The following TPI1 variants were observed in gnomAD, a reference collection of about 807,000 sequenced individuals.
TPI1 encodes the protein triosephosphate isomerase 1.
In TPI1, 11 loss-of-function variants were observed where a neutral mutation model predicts 31.0. That is an observed-to-expected ratio of 0.36 (90% CI 0.22 to 0.59). The LOEUF (loss-of-function observed/expected upper bound fraction) is 0.59, where lower values mean the gene tolerates loss of function less well. Ranked by LOEUF, TPI1 falls within the 20% of genes least tolerant of loss-of-function variation. The probability of loss-of-function intolerance (pLI) is 0.79; values close to 1 mark genes in which losing one functional copy is unlikely to be tolerated. For synonymous variants in TPI1, 121 were observed against 122.8 expected, an observed-to-expected ratio of 0.99 and a Z score of 0.10; for missense variants, 245 against 319.7, an observed-to-expected ratio of 0.77 and a Z score of 1.78.
intron 1 of TPI1, chr12:6,867,951 G>A (rs1482471106): frequency 3.8e-6 from 3 of 789,648 alleles, no homozygotes; most frequent in Non-Finnish European, 5.4e-6. Flanking sequence ...AGGTGGCCCC[G>A]GGGCGCGCAC....
At chr12:6,868,322 A>C (rs1944505709) in intron 1 of TPI1, 4 of 1,287,644 alleles carry the variant, frequency 3.1e-6, no homozygotes, top group Non-Finnish European at 4.0e-6. Context: ...TGAGTCAGTT[A>C]GGTCTCTGCC....
intron 5 of TPI1, 48 bp downstream of exon 5, chr12:6,869,821 G>T: frequency 2.5e-6 from 4 of 1,602,838 alleles, no homozygotes; most frequent in Non-Finnish European, 3.4e-6. Flanking sequence ...GCCTCAATAG[G>T]TTTGGACAGA....
intron 1 of TPI1, 86 bp downstream of exon 1, chr12:6,867,767 C>T (rs1246350750): frequency 1.0e-5 from 14 of 1,364,052 alleles, no homozygotes; most frequent in Non-Finnish European, 1.3e-5. Flanking sequence ...GGCCCCGAGG[C>T]CCCGAGGCCG....
At chr12:6,867,422 G>A (rs1944479631), upstream of TPI1, 1 of 1,456,048 alleles carries the variant, frequency 6.9e-7, no homozygotes, top group Non-Finnish European at 9.1e-7. Context: ...AGGAGGGCGG[G>A]CGGGGGGCAG....
In TPI1 at chr12:6,869,006, G is replaced by C. The variant is rs1270690225; in HGVS notation, c.239+19G>C. 2 of 1,614,142 alleles carry C rather than the reference G, an allele frequency of 1.2e-6. No individual in the cohort carries two copies. Among genetic ancestry groups the C allele is most frequent in the Admixed American group, 1.7e-5 (1 of 60,016 alleles). ...AGATCAGGTGAGATCGAGGTGGAGA[G>C]GGGTGTGTGGGACCCTTCCCTCACT... On this transcript the variant is annotated intron_variant, in intron 2 of 6. Coordinates refer to ENST00000396705, the MANE Select transcript of TPI1 (RefSeq NM_000365.6).
intron 4 of TPI1, 58 bp downstream of exon 4, chr12:6,869,448 A>T (rs1345204930): frequency 6.2e-7 from 1 of 1,611,474 alleles, no homozygotes; most frequent in East Asian, 2.2e-5. Context: ...CTCAGAGGGT[A>T]GGGTCAGGCC....
chr12:6,870,155 C>CGGCTGAGGTGGAGTG lies in TPI1; in HGVS notation c.631+28_631+42dup. ...TATGGAGGTGAGTGGCTTTGGTTCC[C>CGGCTGAGGTGGAGTG]GGCTGAGGTGGAGTGGGCTGAGGAC... On this transcript the variant is annotated intron_variant, in intron 6 of 6. Coordinates refer to ENST00000396705, the MANE Select transcript of TPI1 (RefSeq NM_000365.6). The CGGCTGAGGTGGAGTG allele has an allele frequency of 3.1e-6, 5 of 1,612,086 alleles. No homozygotes were observed. The highest frequency in any genetic ancestry group is 4.2e-6 in the Non-Finnish European group (5 of 1,178,182).
intron 5 of TPI1, 81 bp downstream of exon 5, chr12:6,869,854 C>T (rs1192375942): frequency 1.3e-6 from 2 of 1,520,528 alleles, no homozygotes; most frequent in East Asian, 2.3e-5. Context: ...GGGGCAACCC[C>T]TTATTTCAAA....
intron 1 of TPI1, chr12:6,868,341 G>A: frequency 7.8e-7 from 1 of 1,287,820 alleles, no homozygotes; most frequent in Non-Finnish European, 1.0e-6. Flanking sequence ...CCACCCACGG[G>A]CAAAGGATGC....
rs1944571655 is a variant in TPI1, at chr12:6,870,778, CTG to C, written c.*398_*399del. The C allele has an allele frequency of 2.0e-6, 1 of 512,250 alleles. No individual in the cohort carries two copies. The highest frequency in any genetic ancestry group is 3.8e-6 in the Non-Finnish European group (1 of 264,680). The allele number at this position is 512,250 out of a possible 1,614,324, so 31.7% of individuals were successfully genotyped here. A position where few individuals can be genotyped will look rare whatever the true frequency, so the allele number is the denominator to read the frequency against. On this transcript the variant is annotated 3_prime_UTR_variant, in exon 7 of 7. Transcript: ENST00000396705. ...GCCCTCTCCCATGGTGCCCGTGCCT[CTG>C]TGCTGTGTATGTGAACCACCCATGT...
At chr12:6,869,951 G>C in intron 5 of TPI1, 98 bp from the exon 6 acceptor site, 1 of 1,469,714 alleles carries the variant, frequency 6.8e-7, no homozygotes, top group Non-Finnish European at 9.5e-7. Context: ...CTGGTACTCT[G>C]ACTCAGTCAG....
Position 6,870,370 on chromosome 12 carries a change from A to G in TPI1, c.737A>G (p.Asn246Ser), listed in dbSNP as rs781891192. 1.9e-5 allele frequency: 31 copies of G among 1,611,362 alleles called. No individual in the cohort carries two copies. Among genetic ancestry groups the G allele is most frequent in the South Asian group, 1.9e-4 (17 of 91,000 alleles). Reference protein sequence around the residue: ...SLKPEFVDIINAKQ With the variant: ...SLKPEFVDIISAKQ ...AAGCCCGAATTCGTGGACATCATCA[A>G]TGCCAAACAATGAGCCCCATCCATC... The change falls in exon 7 of 7, where the codon AAT (asparagine) becomes AGT (serine). Residue 246 changes from asparagine (N) to serine (S), a missense_variant. By Grantham distance (46) the Asn-to-Ser change is conservative. This residue lies in a region of TPI1 where 127 missense variants were observed against 163.7 expected (regional missense o/e 0.78). Transcript: ENST00000396705.
chr12:6,869,640 A>T (rs1555132329), intron 4 of TPI1, 48 bp from the exon 5 acceptor site: 1 of 1,603,716 alleles, frequency 6.2e-7, no homozygotes, highest in Admixed American at 1.7e-5. Context: ...CTGGCTGGAG[A>T]GCTCTTTCTT....
chr12:6,867,952 G>A lies in TPI1; in HGVS notation c.115+271G>A, dbSNP rs782144641. The A allele has an allele frequency of 1.5e-4, 123 of 796,350 alleles. 1 individual carries two copies. In the African/African-American group the frequency reaches 2.2e-3, roughly 14 times the overall value. 49.3% of individuals were successfully genotyped at this position (796,350 alleles called of 1,614,324 possible). ...GGTCTCCTGGAGGAAGGTGGCCCCG[G>A]GGCGCGCACTGGGGCTGTGCCCGCC... is the stretch of plus-strand genomic sequence containing the variant. On this transcript the variant is annotated intron_variant, in intron 1 of 6. Coordinates refer to ENST00000396705, the MANE Select transcript of TPI1 (RefSeq NM_000365.6).
chr12:6,867,480 G>C, upstream of TPI1: 1 of 1,538,420 alleles, frequency 6.5e-7, no homozygotes, highest in Admixed American at 2.0e-5. Context: ...CGAGGAGGCG[G>C]AGTTCCACTT....
In TPI1 at chr12:6,870,034, A is replaced by G; in HGVS notation, c.544-15A>G. 3 of 1,613,210 alleles carry G rather than the reference A, an allele frequency of 1.9e-6. No individual in the cohort carries two copies. Among genetic ancestry groups the G allele is most frequent in the Middle Eastern group, 3.3e-4 (2 of 6,060 alleles). On this transcript the variant is annotated splice_polypyrimidine_tract_variant and intron_variant, in intron 5 of 6. Coordinates refer to ENST00000396705, the MANE Select transcript of TPI1 (RefSeq NM_000365.6). ...AGGCAGAAAAGGTCTTACTTAGGCC[A>G]GCTTCTTGTTCTAGGCCCAGGAAGT...
rs1555132914 is a variant in TPI1, at chr12:6,870,706, C to T, written c.*323C>T. Reference sequence around the variant, plus strand: ...AGGGCAGAAGAGAAACCATCCTCTCCCTTCTTACACCGTGAGGCCAAGATC... The same window carrying T: ...AGGGCAGAAGAGAAACCATCCTCTCTCTTCTTACACCGTGAGGCCAAGATC... On this transcript the variant is annotated 3_prime_UTR_variant, in exon 7 of 7. Coordinates refer to ENST00000396705, the MANE Select transcript of TPI1 (RefSeq NM_000365.6). 1.7e-6 allele frequency: 1 copy of T among 573,018 alleles called. No homozygotes were observed. 35.5% of individuals were successfully genotyped at this position (573,018 alleles called of 1,614,324 possible). A position where few individuals can be genotyped will look rare whatever the true frequency, so the allele number is the denominator to read the frequency against.
In TPI1 at chr12:6,870,295, T is replaced by TGGCC; in HGVS notation, c.663_666dup (p.Ser223GlyfsTer5). 1 of 1,614,234 alleles carries TGGCC rather than the reference T, an allele frequency of 6.2e-7. No homozygotes were observed. The highest frequency in any genetic ancestry group is 8.5e-7 in the Non-Finnish European group (1 of 1,180,034). On this transcript the variant is annotated frameshift_variant, in exon 7 of 7. Transcript: ENST00000396705. LOFTEE classifies it high-confidence loss of function. ...GTGACTGGGGCAACCTGCAAGGAGCTGGCCAGCCAGCCTGATGTGGATGGC... is the reference window on the plus strand; with the variant it reads ...GTGACTGGGGCAACCTGCAAGGAGCTGGCCGGCCAGCCAGCCTGATGTGGATGGC...
chr12:6,869,984 G>A (rs1278334140), intron 5 of TPI1, 65 bp from the exon 6 acceptor site: 1 of 1,566,862 alleles, frequency 6.4e-7, no homozygotes, highest in African/African-American at 1.4e-5. Flanking sequence ...GTGTCCACTG[G>A]TGCCAGTGAT....
Sources: gnomAD v4.1 joint callset for allele counts on GRCh38, gnomAD v4.1.1 for gene constraint, gnomAD v4.1.1 regional missense constraint, MANE v1.5 for transcripts, NCBI Gene and HGNC (gene_info 2026-07-23, HGNC 2026-07-21) for gene names.